Variants in MGAM observed in about 807,000 individuals in gnomAD.
The protein encoded by MGAM is maltase-glucoamylase.
MGAM carries 253 observed loss-of-function variants against 358.8 expected under a neutral mutation model. The ratio of observed to expected loss-of-function variants is 0.71; its 90% CI spans 0.64 to 0.78. The LOEUF is 0.78. Among genes scored for constraint, MGAM ranks in the 30% least tolerant of loss-of-function variants. The pLI, the probability that MGAM is intolerant of heterozygous loss-of-function variation, is 0.00. For synonymous variants in MGAM, 1,105 were observed against 1,227.1 expected (o/e 0.90, Z 2.08); for missense variants, 3,080 against 3,432.6 (o/e 0.90, Z 2.57).
At chr7:142,088,094 C>CTGTTTTCCTTATGTCTACTA (rs1814922039) in intron 57 of MGAM, among the ~76,000 whole-genome samples, 2 of 146,216 alleles carry the variant, frequency 1.4e-5, no homozygotes, top group Admixed American at 1.4e-4. Context: ...GGGACTGAGG[C>CTGTTTTCCTTATGTCTACTA]CTGGCACAGC....
At chr7:141,990,256 C>T (rs1803886136) in intron 2 of MGAM, among the ~76,000 whole-genome samples, 1 of 152,220 alleles carries the variant, frequency 6.6e-6, no homozygotes, top group Non-Finnish European at 1.5e-5. Context: ...GCCTATGTAT[C>T]ATGCCAAATG....
At chr7:142,037,083 T>C in intron 18 of MGAM, 106 bp downstream of exon 18, 1 of 1,069,792 alleles carries the variant, frequency 9.3e-7, no homozygotes, top group Non-Finnish European at 1.4e-6. Context: ...CAGTTATTCA[T>C]ATCTATCTGT....
chr7:142,030,484 C>T lies in MGAM; in HGVS notation c.1344C>T (p.Val448=), dbSNP rs1174898973. Residue 448 remains valine (V), a synonymous_variant, in exon 11 of 71, where the codon GTC becomes GTT. Coordinates refer to ENST00000475668, the MANE Select transcript of MGAM (RefSeq NM_001365693.1). Reference sequence around the variant, plus strand: ...TACACAATAATGGACAGAAGCTTGTCATCATTGTGGTATGTACTGCCCTCT... The same window carrying T: ...TACACAATAATGGACAGAAGCTTGTTATCATTGTGGTATGTACTGCCCTCT... ...NELHNNGQKL[V]IIVDPAISNN... 6 of 1,613,454 alleles carry T rather than the reference C, an allele frequency of 3.7e-6. No homozygotes were observed. The African/African-American group carries it at 4.0e-5, about 11-fold the overall frequency.
intron 3 of MGAM, 23 bp from the exon 4 acceptor site, chr7:142,019,176 C>G: frequency 6.2e-7 from 1 of 1,609,668 alleles, no homozygotes; most frequent in Non-Finnish European, 8.5e-7. Flanking sequence ...AATGGAGCTT[C>G]TTTGACTAAC....
intron 2 of MGAM, among the ~76,000 whole-genome samples, chr7:141,990,411 C>T (rs1803896522): frequency 6.6e-6 from 1 of 152,170 alleles, no homozygotes; most frequent in Non-Finnish European, 1.5e-5. Context: ...GGACTAAAAA[C>T]TGAAAGAAGC....
At chr7:142,053,184 G>A (rs1327691487) in intron 26 of MGAM, among the ~76,000 whole-genome samples, 200 bp downstream of exon 26, 1 of 152,152 alleles carries the variant, frequency 6.6e-6, no homozygotes, top group Non-Finnish European at 1.5e-5. Context: ...TGTGGCTACT[G>A]TTAGGAAAAT....
chr7:142,047,286 C>T (rs1810486314), intron 21 of MGAM, among the ~76,000 whole-genome samples: 1 of 152,136 alleles, frequency 6.6e-6, no homozygotes, highest in Admixed American at 6.5e-5. Context: ...TCAAAACAAA[C>T]TAATAACCAA....
intron 23 of MGAM, 81 bp downstream of exon 23, chr7:142,050,365 T>C (rs1309130730): frequency 1.4e-6 from 2 of 1,458,666 alleles, no homozygotes; most frequent in African/African-American, 2.8e-5. Flanking sequence ...ATATTGTATA[T>C]GTGTGATTAT....
Position 142,086,538 on chromosome 7 carries a change from C to G in MGAM, c.6748-117C>G. On this transcript the variant is annotated intron_variant, in intron 56 of 70. Coordinates refer to ENST00000475668, the MANE Select transcript of MGAM (RefSeq NM_001365693.1). ...AATTCACTTCTCTTTTACATCAATCCTACATGATAATCAAAGTATTGCTCC... is the reference window on the plus strand; with the variant it reads ...AATTCACTTCTCTTTTACATCAATCGTACATGATAATCAAAGTATTGCTCC... 4 of 638,846 alleles carry G rather than the reference C, an allele frequency of 6.3e-6. 1 individual carries two copies. Among genetic ancestry groups the G allele is most frequent in the Non-Finnish European group, 9.9e-6 (4 of 402,314 alleles). The allele number at this position is 638,846 out of a possible 1,614,324, so 39.6% of individuals were successfully genotyped here.
intron 20 of MGAM, 96 bp from the exon 21 acceptor site, chr7:142,040,626 A>T: frequency 6.9e-7 from 1 of 1,458,776 alleles, no homozygotes; most frequent in Admixed American, 2.4e-5. Context: ...AGCTAATTGG[A>T]AAAGGGAGAG....
intron 21 of MGAM, among the ~76,000 whole-genome samples, chr7:142,046,314 T>G (rs10258756): frequency 1.3e-5 from 2 of 151,142 alleles, no homozygotes; most frequent in African/African-American, 4.9e-5. Context: ...GTTAACTTTG[T>G]TGACTTTCTT....
chr7:142,008,076 A>G (rs1285451888), intron 2 of MGAM, among the ~76,000 whole-genome samples: 1 of 152,222 alleles, frequency 6.6e-6, no homozygotes, highest in Non-Finnish European at 1.5e-5. Flanking sequence ...AGCACAAAGC[A>G]GCTAAAAACA....
intron 40 of MGAM, among the ~76,000 whole-genome samples, chr7:142,066,105 G>A (rs1025479898): frequency 1.4e-5 from 2 of 144,628 alleles, no homozygotes; most frequent in Non-Finnish European, 3.1e-5. Context: ...CTGGGATAAA[G>A]GCACATCCCA....
rs1810526063 is a variant in MGAM at position 142,047,782 on chromosome 7, CA to C, written c.2499-2del. 1 of 1,610,666 alleles carries C rather than the reference CA, an allele frequency of 6.2e-7. No homozygotes were observed. The highest frequency in any genetic ancestry group is 1.3e-5 in the African/African-American group (1 of 74,860). On this transcript the variant is annotated splice_acceptor_variant, in intron 21 of 70. Coordinates refer to ENST00000475668, the MANE Select transcript of MGAM (RefSeq NM_001365693.1). LOFTEE classifies it high-confidence loss of function. ...TTTGTGTCTTGAATCTTGTTCCCCA[CA>C]GTCGAAAGAACCCTCTTGGTCTTAT...
At chr7:142,031,133 C>A (rs1476470773) in intron 12 of MGAM, among the ~76,000 whole-genome samples, 1 of 152,174 alleles carries the variant, frequency 6.6e-6, no homozygotes, top group Non-Finnish European at 1.5e-5. Context: ...CTGTTTCATA[C>A]CTCTTCTTAC....
chr7:142,053,032 C>T (rs1563169777), intron 26 of MGAM, 48 bp downstream of exon 26: 6 of 1,580,664 alleles, frequency 3.8e-6, no homozygotes, highest in East Asian at 2.2e-5. Context: ...TTTTCAGTTC[C>T]ATTACCTTTT....
rs111673562 is a variant in MGAM at position 142,091,803 on chromosome 7, G to C, written c.6811-110G>C. 7 of 1,175,648 alleles carry C rather than the reference G, an allele frequency of 6.0e-6. No homozygotes were observed. In the African/African-American group the frequency reaches 1.0e-4, roughly 17 times the overall value. The allele number at this position is 1,175,648 out of a possible 1,614,324, so 72.8% of individuals were successfully genotyped here. ...ACATTATTTAGGCCCTGTTCAGGCC[G>C]TCTGTCACCATGCAGTTGAAGTATT... On this transcript the variant is annotated intron_variant, in intron 57 of 70. Transcript: ENST00000475668.
chr7:142,061,020 C>G (rs994359989), intron 34 of MGAM, among the ~76,000 whole-genome samples: 1 of 151,990 alleles, frequency 6.6e-6, no homozygotes, highest in Non-Finnish European at 1.5e-5. Context: ...ATTTTTTTCC[C>G]GATTGACTAA....
In MGAM at chr7:142,069,833, C is replaced by T. The variant is rs1427112567; in HGVS notation, c.5061+1130C>T. ...GTGTGCATGTTGAGTCTCCCATTCACTACCAGAAGATATCTTTGATGGAAG... is the reference window on the plus strand; with the variant it reads ...GTGTGCATGTTGAGTCTCCCATTCATTACCAGAAGATATCTTTGATGGAAG... On this transcript the variant is annotated intron_variant, in intron 43 of 70. Transcript: ENST00000475668. 2.1e-5 allele frequency among the ~76,000 whole-genome samples: 3 copies of T among 145,360 alleles called. 1 individual carries two copies. The Admixed American group carries it at 2.1e-4, about 10-fold the overall frequency.
Sources: allele counts gnomAD v4.1 joint callset (sites outside exome capture counted in the v4.1 genomes callset), GRCh38; gene constraint gnomAD v4.1.1; transcripts MANE v1.5; gene names NCBI Gene and HGNC (gene_info 2026-07-23, HGNC 2026-07-21).